The following PCDHA8 variants were observed in gnomAD, a reference collection of about 807,000 sequenced individuals.
PCDHA8 encodes the protein protocadherin alpha-8.
Under a neutral mutation model 61.8 loss-of-function variants are expected in PCDHA8, and 53 were observed. The ratio of observed to expected loss-of-function variants is 0.86; its 90% CI spans 0.69 to 1.08. PCDHA8 has a LOEUF of 1.08. Among genes scored for constraint, PCDHA8 ranks in the 50% least tolerant of loss-of-function variants. The pLI, the probability that PCDHA8 is intolerant of heterozygous loss-of-function variation, is 0.00. For missense variants in PCDHA8, 1,293 were observed against 1,245.0 expected, an observed-to-expected ratio of 1.04 and a Z score of -0.58; for synonymous variants, 618 against 556.6, an observed-to-expected ratio of 1.11 and a Z score of -1.55.
rs370989006 is a variant in PCDHA8, at chr5:141,009,739, C to G, written c.2655C>G (p.Pro885=). The G allele has an allele frequency of 1.2e-6, 2 of 1,614,010 alleles. No homozygotes were observed. Among genetic ancestry groups the G allele is most frequent in the Non-Finnish European group, 8.5e-7 (1 of 1,180,008 alleles). The change falls in exon 4 of 4, where the codon CCC becomes CCG. Residue 885 remains proline (P), a synonymous_variant. Transcript: ENST00000531613. ...AACAATCCGGTCCCGGTGAGTTGCCCGACAAATTCATTATCCCAGGATCTC... is the reference window on the plus strand; with the variant it reads ...AACAATCCGGTCCCGGTGAGTTGCCGGACAAATTCATTATCCCAGGATCTC... The part of the protein sequence containing the change: ...NPKQSGPGEL[P]DKFIIPGSPA...
intron 3 of PCDHA8, 116 bp from the exon 4 acceptor site, chr5:141,009,511 G>A (rs2098410295): frequency 2.7e-5 from 41 of 1,498,054 alleles, no homozygotes; most frequent in Admixed American, 9.3e-5. Context: ...CAAACAACTC[G>A]TGATTTTTCT....
intron 1 of PCDHA8, among the ~76,000 whole-genome samples, chr5:140,917,584 A>T (rs2153544569): frequency 6.6e-6 from 1 of 152,336 alleles, no homozygotes; most frequent in South Asian, 2.1e-4. Context: ...ATTTTTGTTC[A>T]TGCTGAAAGG....
intron 3 of PCDHA8, among the ~76,000 whole-genome samples, chr5:140,991,068 T>A (rs1563570560): frequency 6.6e-6 from 1 of 152,216 alleles, no homozygotes; most frequent in Admixed American, 6.5e-5. Flanking sequence ...ATTATTCCCA[T>A]GTTTCAGATA....
chr5:140,967,108 G>A (rs2096097580), intron 1 of PCDHA8: 1 of 1,612,960 alleles, frequency 6.2e-7, no homozygotes, highest in South Asian at 1.1e-5. Flanking sequence ...GTGAGCAGCG[G>A]CCTCGCTGCC....
intron 1 of PCDHA8, chr5:140,876,818 A>G: frequency 6.2e-7 from 1 of 1,614,158 alleles, no homozygotes; most frequent in Non-Finnish European, 8.5e-7. Flanking sequence ...GCCGACGTGA[A>G]CGACAATGCG....
At chr5:140,932,091 T>G (rs904157159) in intron 1 of PCDHA8, among the ~76,000 whole-genome samples, 1 of 151,872 alleles carries the variant, frequency 6.6e-6, no homozygotes, top group Non-Finnish European at 1.5e-5. Context: ...GAAAACATGG[T>G]TTTTATCTCT....
intron 3 of PCDHA8, among the ~76,000 whole-genome samples, chr5:141,001,681 A>G (rs2153971146): frequency 6.6e-6 from 1 of 151,672 alleles, no homozygotes; most frequent in East Asian, 2.0e-4. Context: ...GGTCCAACAA[A>G]CCCCACAGAT....
At chr5:140,965,061 G>A (rs76085486) in intron 1 of PCDHA8, among the ~76,000 whole-genome samples, 2,501 of 152,286 alleles carry the variant, frequency 0.016, 68 homozygotes, top group African/African-American at 0.056. Context: ...CATGCCAAAT[G>A]TCAGGTCTCA....
intron 1 of PCDHA8, chr5:140,930,423 A>C (rs1366004853): frequency 6.6e-6 from 1 of 151,862 alleles, no homozygotes; most frequent in Non-Finnish European, 1.5e-5. Flanking sequence ...GGGTCTCACT[A>C]TGTTGCCCAG....
intron 1 of PCDHA8, chr5:140,876,017 T>TAAAAAC (rs782503573): frequency 2.3e-5 from 37 of 1,613,124 alleles, no homozygotes; most frequent in Non-Finnish European, 2.8e-5. Context: ...GAGCTTAAAA[T>TAAAAAC]AAAAACAAAA....
rs782212784 is a variant in PCDHA8 at position 140,883,583 on chromosome 5, G to A, written c.2394+39868G>A. ...GGGCTCGCCTTCGCTGTGGGCCACGGCCAGCGTGTCGGTGGGGGTGGCCGA... is the reference window on the plus strand; with the variant it reads ...GGGCTCGCCTTCGCTGTGGGCCACGACCAGCGTGTCGGTGGGGGTGGCCGA... On this transcript the variant is annotated intron_variant, in intron 1 of 3. Coordinates refer to ENST00000531613, the MANE Select transcript of PCDHA8 (RefSeq NM_018911.3). The A allele has an allele frequency of 1.9e-5, 31 of 1,613,916 alleles. No individual in the cohort carries two copies. The African/African-American group carries it at 3.7e-4, about 19-fold the overall frequency.
chr5:140,957,948 G>C (rs2153715688), intron 1 of PCDHA8, among the ~76,000 whole-genome samples: 1 of 152,152 alleles, frequency 6.6e-6, no homozygotes, highest in Non-Finnish European at 1.5e-5. Flanking sequence ...AGATCTTTAA[G>C]ACTATTAATT....
At chr5:141,005,303 A>T (rs2098205194) in intron 3 of PCDHA8, among the ~76,000 whole-genome samples, 2 of 152,212 alleles carry the variant, frequency 1.3e-5, no homozygotes, top group Non-Finnish European at 2.9e-5. Context: ...TGCCTTTGTG[A>T]ATCTTACAGT....
intron 1 of PCDHA8, chr5:140,862,418 G>A (rs868906297): frequency 8.8e-5 from 31 of 352,850 alleles, no homozygotes; most frequent in African/African-American, 6.4e-4. Flanking sequence ...AAAAGGCGCT[G>A]CCCAGAAACT....
intron 2 of PCDHA8, among the ~76,000 whole-genome samples, chr5:140,980,990 G>T (rs1344931215): frequency 6.6e-6 from 1 of 152,116 alleles, no homozygotes. Flanking sequence ...CACACAATTT[G>T]CTAGTAGGAT....
chr5:140,849,684 C>A (rs782599904), intron 1 of PCDHA8: 2 of 1,598,734 alleles, frequency 1.3e-6, no homozygotes, highest in Non-Finnish European at 8.6e-7. Flanking sequence ...CCCCTTCAAG[C>A]TGGTGTCCAC....
intron 1 of PCDHA8, among the ~76,000 whole-genome samples, chr5:140,962,085 C>T (rs565561726): frequency 2.0e-5 from 3 of 151,950 alleles, no homozygotes; most frequent in Non-Finnish European, 4.4e-5. Context: ...CGGGGTTTCA[C>T]CATGTTAGCC....
At chr5:140,876,684 C>T (rs973560970) in intron 1 of PCDHA8, 29 of 1,614,110 alleles carry the variant, frequency 1.8e-5, no homozygotes, top group Admixed American at 3.3e-5. Flanking sequence ...ACAAGAATTA[C>T]TACTCGTTGG....
At position 140,869,428 on chromosome 5, in the gene PCDHA8, A is replaced by G. The variant is rs781860422; in HGVS notation, c.2394+25713A>G. The G allele has an allele frequency of 9.3e-6, 15 of 1,614,214 alleles. No individual in the cohort carries two copies. In the South Asian group the frequency reaches 1.6e-4, roughly 18 times the overall value. On this transcript the variant is annotated intron_variant, in intron 1 of 3. Transcript: ENST00000531613. The stretch of plus-strand genomic sequence containing the variant: ...GGAGTGCAGCATCCACCTGGAGGTG[A>G]TCGTGGACAGGCCGCTGCAGGTTTT...
Sources: gnomAD v4.1 joint callset for allele counts (sites outside exome capture counted in the v4.1 genomes callset) on GRCh38, gnomAD v4.1.1 for gene constraint, MANE v1.5 for transcripts, NCBI Gene and HGNC (gene_info 2026-07-23, HGNC 2026-07-21) for gene names.